The following RANBP2 variants were observed in gnomAD, a reference collection of about 807,000 sequenced individuals.
RANBP2 encodes the protein RAN binding protein 2.
In RANBP2, 57 loss-of-function variants were observed where a neutral mutation model predicts 303.6. The observed-to-expected ratio is 0.19, with a 90% CI of 0.15 to 0.23. The LOEUF (loss-of-function observed/expected upper bound fraction) is 0.23, where lower values mean the gene tolerates loss of function less well. Ranked by LOEUF, RANBP2 falls within the 10% of genes least tolerant of loss-of-function variation. The pLI, the probability that RANBP2 is intolerant of heterozygous loss-of-function variation, is 1.00. For synonymous variants in RANBP2, 1,167 were observed against 1,301.5 expected, an observed-to-expected ratio of 0.90 and a Z score of 2.23; for missense variants, 3,138 against 3,780.8, an observed-to-expected ratio of 0.83 and a Z score of 4.46.
At chr2:109,497,650 A>G in the RANBP2 span, among the ~76,000 whole-genome samples, 42 of 152,346 alleles carry the variant, frequency 2.8e-4, no homozygotes, top group Admixed American at 2.2e-3. Context: ...GGGAGTATCA[A>G]TTACTTTCCT....
At chr2:109,131,530 G>A in the RANBP2 span, among the ~76,000 whole-genome samples, 1 of 152,094 alleles carries the variant, frequency 6.6e-6, no homozygotes, top group Non-Finnish European at 1.5e-5. Context: ...CTAGTAAAAC[G>A]CTGGGACATT....
chr2:108,983,762 C>T, the RANBP2 span, among the ~76,000 whole-genome samples: 1 of 152,214 alleles, frequency 6.6e-6, no homozygotes, highest in Non-Finnish European at 1.5e-5. Context: ...CTCCAAAGGC[C>T]ATATGGAGTC....
chr2:109,253,811 T>G, the RANBP2 span, among the ~76,000 whole-genome samples: 2 of 152,170 alleles, frequency 1.3e-5, no homozygotes, highest in Non-Finnish European at 2.9e-5. Flanking sequence ...ACACAAAGAT[T>G]TATAATTTGT....
the RANBP2 span, chr2:109,567,833 C>T: frequency 6.2e-7 from 1 of 1,605,716 alleles, no homozygotes; most frequent in Non-Finnish European, 8.5e-7. Flanking sequence ...CAGCGTTGAC[C>T]TTAGCAATAG....
chr2:109,186,587 C>T, the RANBP2 span, among the ~76,000 whole-genome samples: 3 of 152,204 alleles, frequency 2.0e-5, no homozygotes, highest in Non-Finnish European at 4.4e-5. Context: ...AAATAACCTC[C>T]TGCCCCCAGT....
the RANBP2 span, among the ~76,000 whole-genome samples, chr2:109,435,348 G>A: frequency 6.6e-6 from 1 of 152,292 alleles, no homozygotes; most frequent in East Asian, 1.9e-4. Context: ...ATCCCTACTG[G>A]GTTCAGGACA....
At chr2:109,316,513 T>A in the RANBP2 span, among the ~76,000 whole-genome samples, 2 of 152,216 alleles carry the variant, frequency 1.3e-5, no homozygotes, top group East Asian at 3.8e-4. Context: ...ATCACTCCTC[T>A]TAGAGATTTC....
chr2:109,632,365 G>A, the RANBP2 span, among the ~76,000 whole-genome samples: 1 of 152,136 alleles, frequency 6.6e-6, no homozygotes, highest in Non-Finnish European at 1.5e-5. Flanking sequence ...ACTTGTGGCT[G>A]GTGTCTGAAG....
the RANBP2 span, among the ~76,000 whole-genome samples, chr2:109,546,988 G>A: frequency 2.0e-5 from 3 of 152,156 alleles, no homozygotes; most frequent in African/African-American, 7.2e-5. Flanking sequence ...ATACAGGAAA[G>A]CTCTCTGACC....
At chr2:109,265,225 A>G in the RANBP2 span, among the ~76,000 whole-genome samples, 4 of 152,176 alleles carry the variant, frequency 2.6e-5, no homozygotes, top group Admixed American at 6.5e-5. Context: ...ACAGCTGCAC[A>G]TTAGGATTAA....
At chr2:109,041,030 T>TG in the RANBP2 span, among the ~76,000 whole-genome samples, 11,888 of 152,202 alleles carry the variant, frequency 0.078, 691 homozygotes, top group Non-Finnish European at 0.12. Context: ...CACTCCAGCC[T>TG]GGGCGACAGA....
At chr2:109,054,370 T>C in the RANBP2 span, among the ~76,000 whole-genome samples, 2 of 152,116 alleles carry the variant, frequency 1.3e-5, no homozygotes, top group Admixed American at 6.6e-5. Flanking sequence ...TTTTTTTAAA[T>C]TGGAGTATAA....
chr2:109,439,432 A>G, the RANBP2 span, among the ~76,000 whole-genome samples: 1 of 152,220 alleles, frequency 6.6e-6, no homozygotes, highest in African/African-American at 2.4e-5. Context: ...TAGAGAGAGA[A>G]AAAACACTGT....
At chr2:109,252,508 G>A in the RANBP2 span, among the ~76,000 whole-genome samples, 180 of 152,298 alleles carry the variant, frequency 1.2e-3, 2 homozygotes, top group African/African-American at 4.1e-3. Flanking sequence ...TCCTGGGACT[G>A]AGGAGTTTCT....
chr2:109,509,270 C>T, the RANBP2 span, among the ~76,000 whole-genome samples: 2 of 152,180 alleles, frequency 1.3e-5, no homozygotes, highest in South Asian at 2.1e-4. Context: ...TCAGATTATG[C>T]GGTGTTTGGT....
At chr2:108,990,687 C>G in the RANBP2 span, among the ~76,000 whole-genome samples, 1 of 152,160 alleles carries the variant, frequency 6.6e-6, no homozygotes, top group African/African-American at 2.4e-5. Flanking sequence ...TCTGCCTCCA[C>G]AGAGATTAAG....
At chr2:109,288,887 G>A in the RANBP2 span, among the ~76,000 whole-genome samples, 3,356 of 152,240 alleles carry the variant, frequency 0.022, 69 homozygotes, top group Non-Finnish European at 0.031. Context: ...TAAAGAAAGC[G>A]GCACCAGTGT....
chr2:109,456,434 A>G, the RANBP2 span, among the ~76,000 whole-genome samples: 2 of 152,242 alleles, frequency 1.3e-5, no homozygotes, highest in Admixed American at 1.3e-4. Flanking sequence ...TTTGGAAGGC[A>G]TAAACTGCTG....
chr2:109,131,865 C>G, the RANBP2 span, among the ~76,000 whole-genome samples: 1 of 152,148 alleles, frequency 6.6e-6, no homozygotes, highest in South Asian at 2.1e-4. Context: ...GTTTAATAGA[C>G]GAGCACTTAT....
Sources: gnomAD v4.1 joint callset for allele counts (sites outside exome capture counted in the v4.1 genomes callset) on GRCh38, gnomAD v4.1.1 for gene constraint, MANE v1.5 for transcripts, NCBI Gene and HGNC (gene_info 2026-07-23, HGNC 2026-07-21) for gene names.